PHLDB2: variants seen among roughly 807,000 people sequenced by gnomAD.
PHLDB2 encodes pleckstrin homology like domain family B member 2, also known as pleckstrin homology-like domain family B member 2.
Under a neutral mutation model 123.6 loss-of-function variants are expected in PHLDB2, and 71 were observed. The ratio of observed to expected loss-of-function variants is 0.57; its 90% CI spans 0.47 to 0.70. The LOEUF (loss-of-function observed/expected upper bound fraction) is 0.70, where lower values mean the gene tolerates loss of function less well. Among genes scored for constraint, PHLDB2 ranks in the 30% least tolerant of loss-of-function variants. The pLI is 0.00. For synonymous variants in PHLDB2, 547 were observed against 541.6 expected (o/e 1.01, Z -0.14); for missense variants, 1,446 against 1,519.5 (o/e 0.95, Z 0.80).
At chr3:111,768,488 AG>A (rs1486110293) in intron 1 of PHLDB2, among the ~76,000 whole-genome samples, 1 of 152,102 alleles carries the variant, frequency 6.6e-6, no homozygotes, top group Non-Finnish European at 1.5e-5. Flanking sequence ...CCTGCAGAGG[AG>A]CTCTTTTCTA....
chr3:111,958,645 G>C (rs1307346177), intron 12 of PHLDB2: 1 of 448,272 alleles, frequency 2.2e-6, no homozygotes. Flanking sequence ...ATTAGGTCTT[G>C]CTTTATACAC....
chr3:111,789,858 C>T (rs1037886008), intron 1 of PHLDB2, among the ~76,000 whole-genome samples: 22 of 152,252 alleles, frequency 1.4e-4, no homozygotes, highest in African/African-American at 5.1e-4. Context: ...CTGAGCAATA[C>T]AAAACTGAGT....
rs1484793237 is a variant in PHLDB2, at chr3:111,910,144, C to G, written c.1336-3175C>G. 2.6e-5 allele frequency among the ~76,000 whole-genome samples: 4 copies of G among 152,198 alleles called. No individual in the cohort carries two copies. In the East Asian group the frequency reaches 7.7e-4, roughly 29 times the overall value. The stretch of plus-strand genomic sequence containing the variant: ...ACCCCTAGCCCATCACCATTTTTTC[C>G]CCTTTAACCTCTAAGTGAAAAATTG... On this transcript the variant is annotated intron_variant, in intron 2 of 17. Transcript: ENST00000431670.
intron 9 of PHLDB2, 22 bp downstream of exon 9, chr3:111,945,379 C>T (rs779806096): frequency 5.3e-6 from 8 of 1,501,608 alleles, no homozygotes; most frequent in East Asian, 2.3e-5. Context: ...TTTTACATGT[C>T]GCTTTATGTT....
chr3:111,857,659 A>G, upstream of PHLDB2, among the ~76,000 whole-genome samples: 1 of 152,120 alleles, frequency 6.6e-6, no homozygotes, highest in Non-Finnish European at 1.5e-5. Flanking sequence ...CAGGGAAAAG[A>G]ATTCCTCTAA....
At chr3:111,824,176 T>C (rs1300372250) in intron 1 of PHLDB2, among the ~76,000 whole-genome samples, 2 of 152,196 alleles carry the variant, frequency 1.3e-5, no homozygotes, top group African/African-American at 2.4e-5. Context: ...GCTGGTCGGT[T>C]CTTTTCTCTC....
Position 111,940,687 on chromosome 3 carries a change from G to A in PHLDB2, c.2397+42G>A, listed in dbSNP as rs377271369. On this transcript the variant is annotated intron_variant, in intron 8 of 17. Transcript: ENST00000431670. ...CAGCACTGGCTACAGTAAAACATAGGTTCCAAATTCAGGGAAATTGCCCCC... is the reference window on the plus strand; with the variant it reads ...CAGCACTGGCTACAGTAAAACATAGATTCCAAATTCAGGGAAATTGCCCCC... The A allele has an allele frequency of 2.3e-5, 28 of 1,239,110 alleles. No individual in the cohort carries two copies. The African/African-American group carries it at 4.3e-4, about 19-fold the overall frequency. The allele number at this position is 1,239,110 out of a possible 1,614,324, so 76.8% of individuals were successfully genotyped here.
intron 7 of PHLDB2, among the ~76,000 whole-genome samples, 183 bp downstream of exon 7, chr3:111,939,813 T>C (rs1178027977): frequency 1.3e-5 from 2 of 152,246 alleles, no homozygotes; most frequent in Non-Finnish European, 2.9e-5. Flanking sequence ...ATGCTGTAGA[T>C]GCATTTATGA....
rs776996785 is a variant in PHLDB2, at chr3:111,974,604, A to G, written c.*41A>G. 6.5e-7 allele frequency: 1 copy of G among 1,547,396 alleles called. No homozygotes were observed. The highest frequency in any genetic ancestry group is 8.7e-7 in the Non-Finnish European group (1 of 1,144,428). ...GTCCACTTCAGGGCAGACGGCAATA[A>G]TCTCTTACAAGAATGAAGCCATATT... On this transcript the variant is annotated 3_prime_UTR_variant, in exon 18 of 18. Transcript: ENST00000431670.
chr3:111,797,529 C>T (rs889226918), intron 1 of PHLDB2, among the ~76,000 whole-genome samples: 7 of 152,172 alleles, frequency 4.6e-5, no homozygotes, highest in Admixed American at 1.3e-4. Flanking sequence ...GTAAGGATTC[C>T]GTAAGACAGT....
chr3:111,822,888 G>GAA (rs35370000), intron 1 of PHLDB2, among the ~76,000 whole-genome samples: 6,597 of 151,220 alleles, frequency 0.044, 199 homozygotes, highest in African/African-American at 0.069. Context: ...TTAGCCCTCG[G>GAA]AAAAAAAAAT....
chr3:111,859,111 A>C, upstream of PHLDB2: 1 of 941,194 alleles, frequency 1.1e-6, no homozygotes. Flanking sequence ...CGCAGCTGGT[A>C]AACTTGCCCC....
At chr3:111,879,186 CT>C (rs1293793443) in intron 1 of PHLDB2, among the ~76,000 whole-genome samples, 3 of 152,116 alleles carry the variant, frequency 2.0e-5, no homozygotes, top group Non-Finnish European at 4.4e-5. Context: ...TGGTCCTGGA[CT>C]TTTTTTGGTT....
Position 111,884,089 on chromosome 3 carries a change from T to C in PHLDB2, c.12T>C (p.His4=), listed in dbSNP as rs762853404. The C allele has an allele frequency of 9.3e-6, 15 of 1,613,186 alleles. No individual in the cohort carries two copies. The highest frequency in any genetic ancestry group is 1.3e-5 in the Non-Finnish European group (15 of 1,179,746). MEE[H]SYIQKELDLQ... is the part of the protein sequence containing the mutation. ...ATTCCAGCAAGATTATGGAAGAGCA[T>C]AGCTACATACAAAAGGAGCTAGATT... Residue 4 remains histidine, a synonymous_variant, in exon 2 of 18, where the codon CAT becomes CAC. Transcript: ENST00000431670.
chr3:111,788,766 C>T (rs942115604), intron 1 of PHLDB2, among the ~76,000 whole-genome samples: 2 of 152,136 alleles, frequency 1.3e-5, no homozygotes, highest in Admixed American at 6.5e-5. Flanking sequence ...TTTTTCAGCT[C>T]ATCAGCTATC....
At chr3:111,865,736 G>A (rs1225353966) in intron 1 of PHLDB2, among the ~76,000 whole-genome samples, 1 of 151,330 alleles carries the variant, frequency 6.6e-6, no homozygotes, top group African/African-American at 2.4e-5. Flanking sequence ...ACATCCTAAC[G>A]TAACCATTTC....
intron 1 of PHLDB2, among the ~76,000 whole-genome samples, chr3:111,771,580 G>A (rs2060177958): frequency 6.6e-6 from 1 of 151,986 alleles, no homozygotes; most frequent in African/African-American, 2.4e-5. Flanking sequence ...GCCTCAAGTA[G>A]TCCGCCTGCC....
At chr3:111,938,783 C>G (rs1302761852) in intron 6 of PHLDB2, among the ~76,000 whole-genome samples, 1 of 147,194 alleles carries the variant, frequency 6.8e-6, no homozygotes, top group African/African-American at 2.5e-5. Context: ...AGCTTCCTTT[C>G]CTTTCCTTTC....
chr3:111,845,211 C>A (rs2063901886), intron 1 of PHLDB2, among the ~76,000 whole-genome samples: 1 of 151,724 alleles, frequency 6.6e-6, no homozygotes, highest in Non-Finnish European at 1.5e-5. Flanking sequence ...AAAAATTAGC[C>A]AGGCCTGGTG....
Sources: gnomAD v4.1 joint callset for allele counts (sites outside exome capture counted in the v4.1 genomes callset) on GRCh38, gnomAD v4.1.1 for gene constraint, MANE v1.5 for transcripts, NCBI Gene and HGNC (gene_info 2026-07-23, HGNC 2026-07-21) for gene names.